HDAC9: variants seen among roughly 807,000 people sequenced by gnomAD.
The protein encoded by HDAC9 is MEF-2 interacting transcription repressor (MITR) protein.
In HDAC9, 41 loss-of-function variants were observed where a neutral mutation model predicts 139.4. The observed-to-expected ratio is 0.29, with a 90% CI of 0.23 to 0.38. HDAC9 has a LOEUF of 0.38. Among genes scored for constraint, HDAC9 ranks in the 10% least tolerant of loss-of-function variants. HDAC9 has a pLI of 1.00. For synonymous variants in HDAC9, 517 were observed against 476.2 expected (o/e 1.09, Z -1.12); for missense variants, 1,147 against 1,297.0 (o/e 0.88, Z 1.78).
In HDAC9 at chr7:18,755,128, T is replaced by C. The variant is rs377102390; in HGVS notation, c.2043+5990T>C. Among the ~76,000 whole-genome samples, 7 of 152,242 alleles carry C rather than the reference T, an allele frequency of 4.6e-5. No homozygotes were observed. The South Asian group carries it at 6.2e-4, about 14-fold the overall frequency. ...AACCCTGTGAATTGTCTCTAAAGGA[T>C]ATGGCAGTCTTGGAAAGAAGTACAA... is the stretch of plus-strand genomic sequence containing the variant. On this transcript the variant is annotated intron_variant, in intron 14 of 25. Transcript: ENST00000686413.
intron 2 of HDAC9, among the ~76,000 whole-genome samples, chr7:18,181,540 C>T (rs181454126): frequency 1.3e-5 from 2 of 152,216 alleles, no homozygotes; most frequent in Admixed American, 1.3e-4. Flanking sequence ...AGCCTGTGGA[C>T]CAGAAAGTAT....
At chr7:18,790,915 C>T (rs1481099644) in intron 16 of HDAC9, among the ~76,000 whole-genome samples, 1 of 152,090 alleles carries the variant, frequency 6.6e-6, no homozygotes, top group Non-Finnish European at 1.5e-5. Flanking sequence ...AAGTAACCCC[C>T]ACCCGGCAAC....
At chr7:18,179,661 C>CA (rs1789231277) in intron 2 of HDAC9, among the ~76,000 whole-genome samples, 1 of 152,118 alleles carries the variant, frequency 6.6e-6, no homozygotes, top group Non-Finnish European at 1.5e-5. Context: ...ATCTGTTTAT[C>CA]TATTAATGAG....
At chr7:18,699,029 T>G (rs1466691817) in intron 12 of HDAC9, among the ~76,000 whole-genome samples, 1 of 152,180 alleles carries the variant, frequency 6.6e-6, no homozygotes, top group Non-Finnish European at 1.5e-5. Context: ...CTTCAGACTC[T>G]GTTCCTCTTC....
At chr7:18,388,398 A>G (rs1393784640) in intron 1 of HDAC9, among the ~76,000 whole-genome samples, 1 of 152,148 alleles carries the variant, frequency 6.6e-6, no homozygotes, top group Non-Finnish European at 1.5e-5. Context: ...CTGAAGCCCC[A>G]ATATTGTTTT....
chr7:18,583,701 C>G (rs150468387), intron 2 of HDAC9, among the ~76,000 whole-genome samples: 51 of 152,264 alleles, frequency 3.3e-4, no homozygotes, highest in African/African-American at 1.2e-3. Flanking sequence ...CTGCAGTGAG[C>G]TATGATTGCA....
At chr7:18,747,781 C>T (rs1037914965) in intron 13 of HDAC9, among the ~76,000 whole-genome samples, 1 of 152,132 alleles carries the variant, frequency 6.6e-6, no homozygotes, top group African/African-American at 2.4e-5. Flanking sequence ...ATAATTTCTA[C>T]CACATGGTTT....
intron 1 of HDAC9, among the ~76,000 whole-genome samples, chr7:18,311,375 A>G (rs1799307907): frequency 6.6e-6 from 1 of 152,236 alleles, no homozygotes; most frequent in South Asian, 2.1e-4. Flanking sequence ...ATTATATCTA[A>G]TAACTTGTGA....
At chr7:18,522,616 A>T (rs28697972) in intron 2 of HDAC9, among the ~76,000 whole-genome samples, 1 of 151,634 alleles carries the variant, frequency 6.6e-6, no homozygotes, top group Non-Finnish European at 1.5e-5. Context: ...AAAACAAAAA[A>T]CAAAAAAAAA....
intron 1 of HDAC9, among the ~76,000 whole-genome samples, chr7:18,331,344 C>A (rs762190536): frequency 6.6e-6 from 1 of 151,438 alleles, no homozygotes; most frequent in Admixed American, 6.6e-5. Flanking sequence ...AATGAAAAAT[C>A]GTGTTTTTTA....
At chr7:18,641,261 A>C (rs933536446) in intron 8 of HDAC9, among the ~76,000 whole-genome samples, 2 of 152,202 alleles carry the variant, frequency 1.3e-5, no homozygotes, top group Non-Finnish European at 2.9e-5. Flanking sequence ...ATAACAGGAG[A>C]GAAATTAAAT....
chr7:18,908,679 CATA>C (rs1802487462), intron 22 of HDAC9, among the ~76,000 whole-genome samples: 1 of 152,100 alleles, frequency 6.6e-6, no homozygotes, highest in African/African-American at 2.4e-5. Flanking sequence ...TTTTACTTAA[CATA>C]ATGTTCTCTT....
chr7:18,937,327 C>T (rs924710069), intron 23 of HDAC9, among the ~76,000 whole-genome samples: 4 of 152,024 alleles, frequency 2.6e-5, no homozygotes, highest in African/African-American at 4.8e-5. Flanking sequence ...CCTGAACCAC[C>T]GTGCCTGGCT....
At chr7:18,305,810 A>G (rs2128618886) in intron 1 of HDAC9, among the ~76,000 whole-genome samples, 1 of 151,990 alleles carries the variant, frequency 6.6e-6, no homozygotes, top group East Asian at 1.9e-4. Context: ...GGGTTTAGGA[A>G]AGGAACTTGG....
chr7:18,745,724 T>A (rs1787893698), intron 13 of HDAC9, among the ~76,000 whole-genome samples: 1 of 151,282 alleles, frequency 6.6e-6, no homozygotes, highest in South Asian at 2.1e-4. Context: ...TTTTTTGTAT[T>A]TTTAGTAGAG....
At chr7:18,217,521 CT>C (rs1562759568) in intron 2 of HDAC9, among the ~76,000 whole-genome samples, 1 of 151,688 alleles carries the variant, frequency 6.6e-6, no homozygotes, top group Admixed American at 6.6e-5. Flanking sequence ...TTCAAAGGAC[CT>C]TTTTGGGTAC....
chr7:18,941,916 G>A (rs1170664544), intron 23 of HDAC9, among the ~76,000 whole-genome samples: 8 of 152,014 alleles, frequency 5.3e-5, no homozygotes, highest in South Asian at 2.1e-4. Flanking sequence ...TGAAGTGGAC[G>A]TTGTTTGGAT....
chr7:18,307,232 G>A (rs1798984014), intron 1 of HDAC9, among the ~76,000 whole-genome samples: 1 of 151,718 alleles, frequency 6.6e-6, no homozygotes, highest in Non-Finnish European at 1.5e-5. Flanking sequence ...CTTTGAGTCC[G>A]TGGGCAAGTA....
intron 2 of HDAC9, among the ~76,000 whole-genome samples, chr7:18,254,964 G>A (rs1018759911): frequency 6.6e-6 from 1 of 152,070 alleles, no homozygotes; most frequent in African/African-American, 2.4e-5. Context: ...ATAAAATTAT[G>A]AATATATGCT....
Sources: gnomAD v4.1 joint callset for allele counts (sites outside exome capture counted in the v4.1 genomes callset) on GRCh38, gnomAD v4.1.1 for gene constraint, MANE v1.5 for transcripts, NCBI Gene and HGNC (gene_info 2026-07-23, HGNC 2026-07-21) for gene names.